The following FAM53B variants were observed in gnomAD, a reference collection of about 807,000 sequenced individuals.
The protein encoded by FAM53B is family with sequence similarity 53 member B.
FAM53B carries 12 observed loss-of-function variants against 32.7 expected under a neutral mutation model. The observed-to-expected ratio is 0.37, with a 90% CI of 0.24 to 0.59. FAM53B has a LOEUF of 0.59. FAM53B is among the 20% of genes least tolerant of loss of function. FAM53B has a pLI of 0.72. For missense variants in FAM53B, 477 were observed against 577.7 expected (o/e 0.83, Z 1.79); for synonymous variants, 234 against 228.7 (o/e 1.02, Z -0.21).
At chr10:124,723,956 C>G (rs548355218) in intron 1 of FAM53B, among the ~76,000 whole-genome samples, 1 of 152,340 alleles carries the variant, frequency 6.6e-6, no homozygotes, top group East Asian at 1.9e-4. Flanking sequence ...GCATTATTTC[C>G]TCCCGGTATC....
At chr10:124,662,491 CAT>C (rs1949639962) in intron 4 of FAM53B, among the ~76,000 whole-genome samples, 1 of 144,236 alleles carries the variant, frequency 6.9e-6, no homozygotes, top group Non-Finnish European at 1.5e-5. Flanking sequence ...TCCATCCATC[CAT>C]CCATCCATCC....
intron 1 of FAM53B, among the ~76,000 whole-genome samples, chr10:124,743,300 CT>C (rs1174553659): frequency 6.6e-6 from 1 of 152,238 alleles, no homozygotes; most frequent in African/African-American, 2.4e-5. Context: ...AAATCCAAGA[CT>C]AGCAAAAATG....
intron 1 of FAM53B, among the ~76,000 whole-genome samples, chr10:124,717,266 A>G (rs1035807693): frequency 2.0e-5 from 3 of 152,216 alleles, no homozygotes; most frequent in African/African-American, 4.8e-5. Context: ...CTCTAACTGT[A>G]GTCACGTATC....
At chr10:124,706,937 G>C in intron 1 of FAM53B, 50 bp from the exon 2 acceptor site, 1 of 1,398,680 alleles carries the variant, frequency 7.1e-7, no homozygotes, top group African/African-American at 1.4e-5. Context: ...GAAAGACGAG[G>C]GCCCTGAGAG....
chr10:124,657,832 A>T (rs1949603481), intron 4 of FAM53B, among the ~76,000 whole-genome samples: 1 of 152,204 alleles, frequency 6.6e-6, no homozygotes, highest in Non-Finnish European at 1.5e-5. Context: ...GGATCAGAGA[A>T]ATCCAATGAC....
At chr10:124,664,802 A>G (rs1470361670) in intron 4 of FAM53B, among the ~76,000 whole-genome samples, 1 of 152,218 alleles carries the variant, frequency 6.6e-6, no homozygotes, top group African/African-American at 2.4e-5. Context: ...TGAGGCACAG[A>G]GAGGTTAAGT....
At chr10:124,663,015 G>A (rs1277208474) in intron 4 of FAM53B, among the ~76,000 whole-genome samples, 3 of 152,196 alleles carry the variant, frequency 2.0e-5, no homozygotes, top group South Asian at 2.1e-4. Context: ...GAGCAGGAAC[G>A]AGAAACGGTC....
intron 1 of FAM53B, among the ~76,000 whole-genome samples, chr10:124,736,307 A>C (rs1169062265): frequency 6.6e-6 from 1 of 152,264 alleles, no homozygotes. Context: ...TGACTGCCAA[A>C]GGGATTACAG....
At chr10:124,667,403 C>A in intron 4 of FAM53B, 1 of 770,442 alleles carries the variant, frequency 1.3e-6, no homozygotes, top group South Asian at 1.4e-5. Flanking sequence ...TAACGATGTG[C>A]CTTCCTCATG....
At chr10:124,731,850 GC>G (rs1564890472) in intron 1 of FAM53B, among the ~76,000 whole-genome samples, 1 of 152,188 alleles carries the variant, frequency 6.6e-6, no homozygotes, top group Non-Finnish European at 1.5e-5. Flanking sequence ...GATGCTCCCT[GC>G]AGTTCTTCCC....
intron 4 of FAM53B, among the ~76,000 whole-genome samples, chr10:124,673,517 G>A (rs1949719600): frequency 1.3e-5 from 2 of 152,218 alleles, no homozygotes; most frequent in South Asian, 4.1e-4. Flanking sequence ...TCCTGCATGG[G>A]AAGTTTCATT....
intron 2 of FAM53B, among the ~76,000 whole-genome samples, chr10:124,696,585 AGGG>A (rs1949873110): frequency 6.6e-6 from 1 of 152,086 alleles, no homozygotes; most frequent in African/African-American, 2.4e-5. Context: ...CCAAGAGAGG[AGGG>A]GACCTCCCTG....
At position 124,733,594 on chromosome 10, in the gene FAM53B, T is replaced by G. The variant is rs570080509; in HGVS notation, c.-175+10419A>C. Among the ~76,000 whole-genome samples, 1 of 152,354 alleles carries G rather than the reference T, an allele frequency of 6.6e-6. No individual in the cohort carries two copies. The highest frequency in any genetic ancestry group is 2.1e-4 in the South Asian group (1 of 4,828). On this transcript the variant is annotated intron_variant, in intron 1 of 4. Transcript: ENST00000337318. This position sits in a 1 kb window ranked among gnomAD's most constrained non-coding sequence, Gnocchi z 4.3. ...CACACAACGCCAGAACTTTGACTTC[T>G]TTAGTTCCAGCGCAGCACAGACAAG... is the stretch of plus-strand genomic sequence containing the variant.
intron 4 of FAM53B, among the ~76,000 whole-genome samples, chr10:124,630,636 C>G (rs2134037924): frequency 6.6e-6 from 1 of 152,306 alleles, no homozygotes; most frequent in South Asian, 2.1e-4. Flanking sequence ...CTCCAGGGCC[C>G]TGGAAGCTCC....
At chr10:124,694,389 C>T (rs1341503521) in intron 3 of FAM53B, among the ~76,000 whole-genome samples, 1 of 152,276 alleles carries the variant, frequency 6.6e-6, no homozygotes, top group Non-Finnish European at 1.5e-5. Context: ...CACACACCTC[C>T]CTTCTCCGGG....
chr10:124,675,428 G>A (rs1298870494), intron 4 of FAM53B, among the ~76,000 whole-genome samples: 2 of 152,184 alleles, frequency 1.3e-5, no homozygotes, highest in Non-Finnish European at 2.9e-5. Flanking sequence ...AGGGTGTGGG[G>A]CGAGCTACCA....
chr10:124,729,239 C>T (rs1950126195), intron 1 of FAM53B, among the ~76,000 whole-genome samples: 1 of 152,214 alleles, frequency 6.6e-6, no homozygotes. Context: ...CGAATGATCT[C>T]ACCCCTCCAC....
At chr10:124,700,902 T>G (rs2134081200) in intron 2 of FAM53B, among the ~76,000 whole-genome samples, 1 of 152,236 alleles carries the variant, frequency 6.6e-6, no homozygotes, top group African/African-American at 2.4e-5. Context: ...ACTTCCGAAA[T>G]GCAACCCCGC....
At chr10:124,696,296 C>T (rs928464931) in intron 2 of FAM53B, 84 bp from the exon 3 acceptor site, 2 of 1,176,962 alleles carry the variant, frequency 1.7e-6, no homozygotes, top group Non-Finnish European at 2.5e-6. Context: ...TCTAAAGTCA[C>T]AATAAAAGGG....
Sources: allele counts gnomAD v4.1 joint callset (sites outside exome capture counted in the v4.1 genomes callset), GRCh38; gene constraint gnomAD v4.1.1; non-coding constraint Gnocchi (gnomAD v3.1); transcripts MANE v1.5; gene names NCBI Gene and HGNC (gene_info 2026-07-23, HGNC 2026-07-21).